SMTNL1: variants seen among roughly 807,000 people sequenced by gnomAD.
SMTNL1 encodes smoothelin-like protein 1.
Under a neutral mutation model 46.6 loss-of-function variants are expected in SMTNL1, and 41 were observed. The observed-to-expected ratio is 0.88, with a 90% confidence interval of 0.69 to 1.14. The LOEUF (loss-of-function observed/expected upper bound fraction) is 1.14, where lower values mean the gene tolerates loss of function less well. Ranked by LOEUF, SMTNL1 falls within the 50% of genes most tolerant of loss-of-function variation. The probability of loss-of-function intolerance (pLI) is 0.00; values close to 1 mark genes in which losing one functional copy is unlikely to be tolerated. For synonymous variants in SMTNL1, 234 were observed against 234.2 expected (o/e 1.00, Z 0.01); for missense variants, 591 against 626.1 (o/e 0.94, Z 0.60).
chr11:57,542,208 G>A (rs1201728625), intron 1 of SMTNL1, among the ~76,000 whole-genome samples: 1 of 152,072 alleles, frequency 6.6e-6, no homozygotes, highest in African/African-American at 2.4e-5. Context: ...TGAGGTTGGA[G>A]GATCACCTGA....
In SMTNL1 at chr11:57,543,386, A is replaced by G. The variant is rs1020375178; in HGVS notation, c.732+12A>G. ...ATGCAGAGGAGGCAGTGAGTGAGGC[A>G]GGAAAGGAGCAAGGAGGCTCTGTCG... On this transcript the variant is annotated intron_variant, in intron 2 of 7. Transcript: ENST00000527972. The G allele has an allele frequency of 1.9e-6, 3 of 1,610,540 alleles. No homozygotes were observed. In the African/African-American group the frequency reaches 4.0e-5, roughly 22 times the overall value.
At chr11:57,548,470 G>A (rs897741346) in intron 7 of SMTNL1, among the ~76,000 whole-genome samples, 3 of 152,152 alleles carry the variant, frequency 2.0e-5, no homozygotes, top group African/African-American at 7.2e-5. Context: ...AGGAGTTCAA[G>A]ATCAGCCTGG....
intron 7 of SMTNL1, among the ~76,000 whole-genome samples, chr11:57,548,121 G>A (rs1472885804): frequency 1.3e-5 from 2 of 152,224 alleles, no homozygotes; most frequent in Non-Finnish European, 2.9e-5. Flanking sequence ...ACCTGATAAA[G>A]CATGAGGTGG....
intron 4 of SMTNL1, 81 bp from the exon 5 acceptor site, chr11:57,545,800 C>A: frequency 3.8e-6 from 5 of 1,308,422 alleles, no homozygotes; most frequent in Non-Finnish European, 5.3e-6. Flanking sequence ...GCCACCCACC[C>A]TCCAGCCCCA....
At chr11:57,540,772 G>A (rs1944868616) in intron 1 of SMTNL1, among the ~76,000 whole-genome samples, 1 of 151,308 alleles carries the variant, frequency 6.6e-6, no homozygotes, top group Non-Finnish European at 1.5e-5. Flanking sequence ...GTGCAGTGAC[G>A]CGATCTCGGC....
chr11:57,543,702 T>TC lies in SMTNL1; in HGVS notation c.815dup (p.Glu273ArgfsTer5), dbSNP rs1468324691. On this transcript the variant is annotated frameshift_variant, in exon 3 of 8. Coordinates refer to ENST00000527972, the MANE Select transcript of SMTNL1 (RefSeq NM_001105565.3). LOFTEE classifies it high-confidence loss of function. Reference sequence around the variant, plus strand: ...GGGAGGGGCAGGGGTGATTCCCAGCTCCCCAGAGGAGTGGCCTGAGAGCCC... The same window carrying TC: ...GGGAGGGGCAGGGGTGATTCCCAGCTCCCCCAGAGGAGTGGCCTGAGAGCCC... 1.9e-6 allele frequency: 3 copies of TC among 1,583,188 alleles called. No homozygotes were observed. The highest frequency in any genetic ancestry group is 2.6e-6 in the Non-Finnish European group (3 of 1,164,934).
rs1944895256 is a variant in SMTNL1, at chr11:57,543,251, G to T, written c.609G>T (p.Gln203His). Residue 203 changes from glutamine to histidine, a missense_variant, in exon 2 of 8, where the codon CAG becomes CAT. Physicochemically the swap from Gln to His is conservative, Grantham distance 24 (BLOSUM62 0). Coordinates refer to ENST00000527972, the MANE Select transcript of SMTNL1 (RefSeq NM_001105565.3). ...ATGAAGAGGCCAAGGCTGAATCGCA[G>T]AAGGCTGTTGTGGAGGATGAGGCTA... ...ATDEEAKAES[Q>H]KAVVEDEAKA... 4 of 1,613,990 alleles carry T rather than the reference G, an allele frequency of 2.5e-6. No homozygotes were observed. The highest frequency in any genetic ancestry group is 3.4e-6 in the Non-Finnish European group (4 of 1,179,898).
In SMTNL1 at chr11:57,550,129, G is replaced by C. The variant is rs1184180121; in HGVS notation, c.*17G>C. The C allele has an allele frequency of 6.2e-7, 1 of 1,605,368 alleles. No homozygotes were observed. Among genetic ancestry groups the C allele is most frequent in the African/African-American group, 1.3e-5 (1 of 74,926 alleles). On this transcript the variant is annotated 3_prime_UTR_variant, in exon 8 of 8. Coordinates refer to ENST00000527972, the MANE Select transcript of SMTNL1 (RefSeq NM_001105565.3). ...AAGAAGTGAGGAGGTGACTGGCTCT[G>C]TGGGCAGAGATGGGCAGGGTGCCCA... is the stretch of plus-strand genomic sequence containing the variant.
rs777274265 is a variant in SMTNL1 at position 57,546,583 on chromosome 11, C to A, written c.1271C>A (p.Ala424Asp). 1.9e-6 allele frequency: 3 copies of A among 1,614,002 alleles called. No homozygotes were observed. The African/African-American group carries it at 4.0e-5, about 22-fold the overall frequency. ...CTCATCCACAAGTTCTTCCCTGACGCCTTTGACTACGCAGAGCTGGATCCC... is the reference window on the plus strand; with the variant it reads ...CTCATCCACAAGTTCTTCCCTGACGACTTTGACTACGCAGAGCTGGATCCC... ...CALIHKFFPD[A>D]FDYAELDPAK... Residue 424 changes from alanine (A) to aspartate (D), a missense_variant, in exon 7 of 8, where the codon GCC (alanine) becomes GAC (aspartate). Ala to Asp is a moderately radical substitution (Grantham distance 126). Coordinates refer to ENST00000527972, the MANE Select transcript of SMTNL1 (RefSeq NM_001105565.3).
rs374908198 is a variant in SMTNL1 at position 57,540,391 on chromosome 11, G to A, written c.-2-2250G>A. Among the ~76,000 whole-genome samples the A allele has an allele frequency of 4.7e-4, 71 of 152,208 alleles. 1 individual carries two copies. The highest frequency in any genetic ancestry group is 8.5e-4 in the Non-Finnish European group (58 of 67,994). Reference sequence around the variant, plus strand: ...TAAGATTATAGGCATGAGCCACTGCGCCTGGCTGAAACTGTATATCTCTAA... The same window carrying A: ...TAAGATTATAGGCATGAGCCACTGCACCTGGCTGAAACTGTATATCTCTAA... On this transcript the variant is annotated intron_variant, in intron 1 of 7. Coordinates refer to ENST00000527972, the MANE Select transcript of SMTNL1 (RefSeq NM_001105565.3).
intron 7 of SMTNL1, 108 bp downstream of exon 7, chr11:57,546,760 C>A: frequency 7.4e-7 from 1 of 1,351,138 alleles, no homozygotes; most frequent in Non-Finnish European, 1.0e-6. Flanking sequence ...GCCACACATT[C>A]ATGTATCCAA....
intron 7 of SMTNL1, among the ~76,000 whole-genome samples, chr11:57,549,347 G>A (rs912277895): frequency 6.6e-6 from 1 of 151,530 alleles, no homozygotes; most frequent in African/African-American, 2.4e-5. Context: ...TTCCTGAGGG[G>A]CCTGGTCTAA....
intron 7 of SMTNL1, 81 bp downstream of exon 7, chr11:57,546,733 G>A: frequency 6.7e-7 from 1 of 1,496,216 alleles, no homozygotes; most frequent in African/African-American, 1.4e-5. Flanking sequence ...TAGTGAGGCA[G>A]TTACACCGAT....
Position 57,546,238 on chromosome 11 carries a change from C to T in SMTNL1, c.1079C>T (p.Ala360Val). Residue 360 changes from alanine (A) to valine (V), a missense_variant, in exon 6 of 8, where the codon GCT (alanine) becomes GTT (valine). Physicochemically the swap from Ala to Val is moderately conservative, Grantham distance 64. Transcript: ENST00000527972. ...KAIVDKFGGA[A>V]SGPTALFRNT... ...GCACCCCTCTCCCCTCACAGGGCAG[C>T]TTCCGGCCCCACGGCCTTGTTCCGC... The T allele has an allele frequency of 1.3e-6, 2 of 1,598,026 alleles. No individual in the cohort carries two copies. The highest frequency in any genetic ancestry group is 2.7e-5 in the African/African-American group (2 of 74,774).
chr11:57,541,516 G>T, intron 1 of SMTNL1: 1 of 1,367,372 alleles, frequency 7.3e-7, no homozygotes, highest in Non-Finnish European at 9.8e-7. Context: ...ATGCTCCCGG[G>T]GGCAGTTGGA....
intron 4 of SMTNL1, 28 bp downstream of exon 4, chr11:57,543,948 C>G: frequency 6.4e-7 from 1 of 1,565,408 alleles, no homozygotes. Context: ...GGCTCCAGCT[C>G]CAATTCCCCC....
chr11:57,542,569 C>T (rs1565154562), intron 1 of SMTNL1, 72 bp from the exon 2 acceptor site: 1 of 1,501,266 alleles, frequency 6.7e-7, no homozygotes, highest in Non-Finnish European at 8.9e-7. Flanking sequence ...CAGGCCAGAG[C>T]TCTCTGAGGG....
chr11:57,549,759 C>G (rs1944944305), intron 7 of SMTNL1, among the ~76,000 whole-genome samples: 1 of 152,174 alleles, frequency 6.6e-6, no homozygotes, highest in East Asian at 1.9e-4. Flanking sequence ...GAAGCCACAG[C>G]ACCTGGCCTG....
At chr11:57,544,852 T>C (rs1347432271) in intron 4 of SMTNL1, among the ~76,000 whole-genome samples, 1 of 151,642 alleles carries the variant, frequency 6.6e-6, no homozygotes, top group Non-Finnish European at 1.5e-5. Context: ...TTTTTTTTTT[T>C]TTGAGATGGA....
Sources: gnomAD v4.1 joint callset for allele counts (sites outside exome capture counted in the v4.1 genomes callset) on GRCh38, gnomAD v4.1.1 for gene constraint, MANE v1.5 for transcripts, NCBI Gene and HGNC (gene_info 2026-07-23, HGNC 2026-07-21) for gene names.